The following ACSL3 variants were observed in gnomAD, a reference collection of about 807,000 sequenced individuals.
The protein encoded by ACSL3 is fatty acid CoA ligase Acsl3.
A neutral mutation model predicts 84.7 loss-of-function variants in ACSL3; 34 were observed. The observed-to-expected ratio is 0.40, with a 90% CI of 0.31 to 0.53. The LOEUF (loss-of-function observed/expected upper bound fraction) is 0.53, where lower values mean the gene tolerates loss of function less well. ACSL3 is among the 20% of genes least tolerant of loss of function. ACSL3 has a pLI of 0.48. For synonymous variants in ACSL3, 315 were observed against 299.4 expected (o/e 1.05, Z -0.54); for missense variants, 680 against 873.1 (o/e 0.78, Z 2.79).
At chr2:222,930,588 A>G in intron 13 of ACSL3, 33 bp from the exon 14 acceptor site, 1 of 1,504,238 alleles carries the variant, frequency 6.6e-7, no homozygotes, top group Non-Finnish European at 8.9e-7. Context: ...GTTGTATTTA[A>G]CTCAACTATT....
At position 222,934,510 on chromosome 2, in the gene ACSL3, T is replaced by A. The variant is rs1448969228; in HGVS notation, c.1848-20T>A. On this transcript the variant is annotated intron_variant, in intron 15 of 16. Coordinates refer to ENST00000357430, the MANE Select transcript of ACSL3 (RefSeq NM_004457.5). Reference sequence around the variant, plus strand: ...AGTTCACCATTTTGTTCCTTATCTGTTATCCTTTCTATATTTCAGTTATCA... The same window carrying A: ...AGTTCACCATTTTGTTCCTTATCTGATATCCTTTCTATATTTCAGTTATCA... 9.2e-6 allele frequency: 14 copies of A among 1,519,482 alleles called. No individual in the cohort carries two copies. The highest frequency in any genetic ancestry group is 1.2e-5 in the Non-Finnish European group (13 of 1,130,214). The allele number at this position is 1,519,482 out of a possible 1,614,324, so 94.1% of individuals were successfully genotyped here.
intron 5 of ACSL3, chr2:222,917,840 G>A: frequency 2.7e-6 from 1 of 365,282 alleles, no homozygotes; most frequent in Non-Finnish European, 4.9e-6. Flanking sequence ...TTAAAAATTG[G>A]AAATCTTGGG....
At chr2:222,907,137 A>T (rs1316199729) in intron 3 of ACSL3, among the ~76,000 whole-genome samples, 1 of 152,050 alleles carries the variant, frequency 6.6e-6, no homozygotes, top group Non-Finnish European at 1.5e-5. Context: ...CCATCAATGT[A>T]CCCATCAGTC....
chr2:222,929,087 G>T, intron 13 of ACSL3, 151 bp downstream of exon 13: 3 of 579,406 alleles, frequency 5.2e-6, no homozygotes, highest in South Asian at 2.5e-5. Flanking sequence ...CTATATGAAT[G>T]CATTTATTTT....
intron 3 of ACSL3, among the ~76,000 whole-genome samples, chr2:222,906,901 C>CT (rs1402462022): frequency 1.3e-5 from 2 of 152,216 alleles, no homozygotes; most frequent in Non-Finnish European, 2.9e-5. Context: ...ATCATAATTG[C>CT]TTACCACCAA....
At chr2:222,878,828 C>T (rs1402168173) in intron 1 of ACSL3, among the ~76,000 whole-genome samples, 1 of 152,164 alleles carries the variant, frequency 6.6e-6, no homozygotes, top group South Asian at 2.1e-4. Context: ...AGAGCCCTTA[C>T]TCTATACATC....
chr2:222,888,068 A>G (rs1289500311), intron 2 of ACSL3, among the ~76,000 whole-genome samples, 180 bp downstream of exon 2: 1 of 152,192 alleles, frequency 6.6e-6, no homozygotes, highest in South Asian at 2.1e-4. Flanking sequence ...ACATTAAACC[A>G]TGTCATTGAG....
At chr2:222,895,254 A>G (rs1428452132) in intron 2 of ACSL3, among the ~76,000 whole-genome samples, 1 of 152,100 alleles carries the variant, frequency 6.6e-6, no homozygotes, top group Non-Finnish European at 1.5e-5. Flanking sequence ...CTCTGAGAAA[A>G]TAGAAGCACC....
rs752282840 is a variant in ACSL3 at position 222,922,847 on chromosome 2, G to A, written c.1080+16G>A. The A allele has an allele frequency of 8.7e-6, 14 of 1,613,070 alleles. No individual in the cohort carries two copies. Among genetic ancestry groups the A allele is most frequent in the Non-Finnish European group, 1.2e-5 (14 of 1,179,716 alleles). The stretch of plus-strand genomic sequence containing the variant: ...AGCAGATCAGGTAAGTTCAGTGTCT[G>A]TGACTTGAAATACTAAAAAATCATA... On this transcript the variant is annotated intron_variant, in intron 9 of 16. Coordinates refer to ENST00000357430, the MANE Select transcript of ACSL3 (RefSeq NM_004457.5).
rs1274363491 is a variant in ACSL3, at chr2:222,930,724, T to C, written c.1644T>C (p.Ala548=). The C allele has an allele frequency of 6.2e-7, 1 of 1,614,148 alleles. No homozygotes were observed. The highest frequency in any genetic ancestry group is 1.7e-5 in the Admixed American group (1 of 60,014). The change falls in exon 14 of 17, where the codon GCT becomes GCC. Residue 548 remains alanine, a synonymous_variant. Coordinates refer to ENST00000357430, the MANE Select transcript of ACSL3 (RefSeq NM_004457.5). ...GYYKNEAKTK[A]DFFEDENGQR... The stretch of plus-strand genomic sequence containing the variant: ...ACAAAAATGAAGCAAAAACAAAAGC[T>C]GATTTCTTTGAAGATGAAAATGGAC...
At chr2:222,924,625 C>T (rs1255711659) in intron 11 of ACSL3, 30 bp downstream of exon 11, 2 of 1,556,858 alleles carry the variant, frequency 1.3e-6, no homozygotes, top group African/African-American at 1.4e-5. Context: ...CTCCTTCTTT[C>T]TCCTCTTGAT....
intron 16 of ACSL3, among the ~76,000 whole-genome samples, chr2:222,936,492 T>C (rs1441888901): frequency 6.6e-6 from 1 of 152,172 alleles, no homozygotes; most frequent in Non-Finnish European, 1.5e-5. Context: ...TTTGCATTTC[T>C]CTTTTTATTA....
chr2:222,876,497 AT>A (rs913198251), intron 1 of ACSL3, among the ~76,000 whole-genome samples: 8 of 150,670 alleles, frequency 5.3e-5, no homozygotes, highest in African/African-American at 1.2e-4. Flanking sequence ...AATTAAAAAC[AT>A]TTTTTTTTGT....
intron 16 of ACSL3, among the ~76,000 whole-genome samples, chr2:222,936,425 A>G (rs563341433): frequency 2.0e-5 from 3 of 152,034 alleles, no homozygotes; most frequent in Admixed American, 6.6e-5. Flanking sequence ...ACATTTGTAT[A>G]TTTTTTTCTA....
Position 222,921,095 on chromosome 2 carries a change from A to G in ACSL3, c.806-185A>G, listed in dbSNP as rs1009637590. ...TTAATCTGTTTGTATATCTCAATAG[A>G]ATATATCTCCCATACGTGCAGGGAC... On this transcript the variant is annotated intron_variant, in intron 7 of 16. Coordinates refer to ENST00000357430, the MANE Select transcript of ACSL3 (RefSeq NM_004457.5). The G allele has an allele frequency of 1.8e-5, 13 of 716,560 alleles. No individual in the cohort carries two copies. In the African/African-American group the frequency reaches 2.1e-4, roughly 12 times the overall value. The allele number at this position is 716,560 out of a possible 1,614,324, so 44.4% of individuals were successfully genotyped here.
At chr2:222,894,758 A>G (rs1401177324) in intron 2 of ACSL3, among the ~76,000 whole-genome samples, 2 of 152,200 alleles carry the variant, frequency 1.3e-5, no homozygotes, top group Admixed American at 6.5e-5. Context: ...CTCAGTTGGC[A>G]AGGTATCATA....
At chr2:222,920,062 A>C (rs529197514) in intron 7 of ACSL3, among the ~76,000 whole-genome samples, 100 of 152,264 alleles carry the variant, frequency 6.6e-4, no homozygotes, top group Non-Finnish European at 1.1e-3. Context: ...CCTGGAAGCC[A>C]AGGGAAAGGA....
chr2:222,878,371 G>C lies in ACSL3; in HGVS notation c.-206-9459G>C, dbSNP rs538436900. Among the ~76,000 whole-genome samples the C allele has an allele frequency of 1.4e-4, 22 of 152,294 alleles. No individual in the cohort carries two copies. In the East Asian group the frequency reaches 4.1e-3, roughly 28 times the overall value. ...AAAAAATTATGTGATTGTGAAGGCA[G>C]GAAAGCGATGGATTGTTTCAGGCCA... On this transcript the variant is annotated intron_variant, in intron 1 of 16. Coordinates refer to ENST00000357430, the MANE Select transcript of ACSL3 (RefSeq NM_004457.5).
rs532787204 is a variant in ACSL3 at position 222,935,106 on chromosome 2, A to T, written c.2005+419A>T. Among the ~76,000 whole-genome samples, 148 of 152,288 alleles carry T rather than the reference A, an allele frequency of 9.7e-4. 1 individual carries two copies. Among genetic ancestry groups the T allele is most frequent in the Non-Finnish European group, 1.8e-3 (121 of 68,030 alleles). On this transcript the variant is annotated intron_variant, in intron 16 of 16. Coordinates refer to ENST00000357430, the MANE Select transcript of ACSL3 (RefSeq NM_004457.5). ...TTTGGTGGGGTGAGGAGTGCCCAAG[A>T]CTAGTTTAATATTGTTGGTCTAATA...
Sources: gnomAD v4.1 joint callset for allele counts (sites outside exome capture counted in the v4.1 genomes callset) on GRCh38, gnomAD v4.1.1 for gene constraint, MANE v1.5 for transcripts, NCBI Gene and HGNC (gene_info 2026-07-23, HGNC 2026-07-21) for gene names.